MROH7: variants seen among roughly 807,000 people sequenced by gnomAD.
MROH7 encodes maestro heat like repeat family member 7.
MROH7 carries 113 observed loss-of-function variants against 129.2 expected under a neutral mutation model. The ratio of observed to expected loss-of-function variants is 0.87; its 90% CI spans 0.75 to 1.02. The LOEUF is 1.02. Ranked by LOEUF, MROH7 falls within the 50% of genes least tolerant of loss-of-function variation. The pLI is 0.00. For synonymous variants in MROH7, 655 were observed against 667.9 expected (o/e 0.98, Z 0.30); for missense variants, 1,601 against 1,671.3 (o/e 0.96, Z 0.73).
chr1:54,678,039 A>G (rs1645009117), intron 10 of MROH7, among the ~76,000 whole-genome samples: 1 of 152,218 alleles, frequency 6.6e-6, no homozygotes, highest in Non-Finnish European at 1.5e-5. Flanking sequence ...GGCATAAATG[A>G]AACAGACAGA....
Position 54,665,210 on chromosome 1 carries a change from G to A in MROH7, c.1275G>A (p.Glu425=), listed in dbSNP as rs766086136. ...CCTCATGCCTGGTGAAGGTGCCAGA[G>A]AAGACAGAAGGTGGCAACAACATGG... The part of the protein sequence containing the change: ...EVTSCLVKVP[E]KTEGGNNMAL... The change falls in exon 4 of 24, where the codon GAG becomes GAA. Residue 425 remains glutamate (E), a synonymous_variant. Transcript: ENST00000421030. 2.5e-6 allele frequency: 4 copies of A among 1,613,932 alleles called. No individual in the cohort carries two copies. The highest frequency in any genetic ancestry group is 3.4e-6 in the Non-Finnish European group (4 of 1,179,930).
chr1:54,679,108 G>A (rs1431824457), intron 11 of MROH7, among the ~76,000 whole-genome samples, 155 bp from the exon 12 acceptor site: 1 of 152,186 alleles, frequency 6.6e-6, no homozygotes, highest in Non-Finnish European at 1.5e-5. Flanking sequence ...TCCCCTAAAG[G>A]TTCAACACTT....
intron 21 of MROH7, among the ~76,000 whole-genome samples, chr1:54,706,090 C>G (rs1176694587): frequency 6.6e-6 from 1 of 152,204 alleles, no homozygotes; most frequent in Non-Finnish European, 1.5e-5. Flanking sequence ...CCCCATTGCT[C>G]TATACCTTGA....
chr1:54,654,647 T>G (rs1569864140), intron 3 of MROH7, among the ~76,000 whole-genome samples: 1 of 151,576 alleles, frequency 6.6e-6, no homozygotes, highest in African/African-American at 2.4e-5. Flanking sequence ...CACTCCAGCC[T>G]GGGCAACAAG....
chr1:54,648,387 C>T (rs538265957), intron 1 of MROH7, among the ~76,000 whole-genome samples: 101 of 122,000 alleles, frequency 8.3e-4, no homozygotes, highest in African/African-American at 1.4e-3. Flanking sequence ...TTTTTTGAGA[C>T]GGAGTTTCGC....
At chr1:54,654,307 T>G in intron 3 of MROH7, 150 bp downstream of exon 3, 1 of 831,500 alleles carries the variant, frequency 1.2e-6, no homozygotes, top group Non-Finnish European at 1.8e-6. Context: ...CATCTAATAA[T>G]CGGCCTCTGC....
intron 15 of MROH7, 123 bp from the exon 16 acceptor site, chr1:54,692,301 C>A: frequency 8.1e-7 from 1 of 1,228,862 alleles, no homozygotes. Context: ...ACACTGAATA[C>A]CCCTACCTAA....
At chr1:54,705,927 C>T (rs1303795266) in intron 21 of MROH7, among the ~76,000 whole-genome samples, 1 of 152,192 alleles carries the variant, frequency 6.6e-6, no homozygotes, top group African/African-American at 2.4e-5. Flanking sequence ...CCTGTCAAAG[C>T]CATCGTGACT....
At chr1:54,670,635 C>T in intron 6 of MROH7, 59 bp downstream of exon 6, 1 of 1,530,754 alleles carries the variant, frequency 6.5e-7, no homozygotes, top group Non-Finnish European at 8.9e-7. Flanking sequence ...CCACTTCTGC[C>T]TCCCTCCATC....
chr1:54,701,996 C>G (rs1645443853), intron 19 of MROH7, 94 bp from the exon 20 acceptor site: 1 of 1,168,472 alleles, frequency 8.6e-7, no homozygotes, highest in African/African-American at 1.6e-5. Context: ...AGTTCCAGAC[C>G]TAGGCTTGAG....
intron 3 of MROH7, among the ~76,000 whole-genome samples, chr1:54,654,796 T>C (rs2570770): frequency 0.39 from 59,073 of 152,014 alleles, 11,731 homozygotes; most frequent in South Asian, 0.56. Flanking sequence ...ATTTTAGACC[T>C]GGCTTCTCAG....
intron 15 of MROH7, among the ~76,000 whole-genome samples, chr1:54,687,453 G>T (rs1235421474): frequency 1.7e-4 from 26 of 152,200 alleles, no homozygotes; most frequent in Admixed American, 1.7e-3. Context: ...ATTTAACCAG[G>T]CTTCTCTGGA....
At position 54,695,361 on chromosome 1, in the gene MROH7, C is replaced by T. The variant is rs142592970; in HGVS notation, c.2850-15C>T. The T allele has an allele frequency of 1.3e-4, 199 of 1,553,746 alleles. No homozygotes were observed. The African/African-American group carries it at 1.9e-3, about 15-fold the overall frequency. ...CTGGATACCTGAGGGGACTACTCCC[C>T]CTTCCCACCCCCAGGGCCATGGTGC... is the stretch of plus-strand genomic sequence containing the variant. On this transcript the variant is annotated splice_polypyrimidine_tract_variant and intron_variant, in intron 16 of 23. Transcript: ENST00000421030.
chr1:54,680,027 GC>G lies in MROH7; in HGVS notation c.2368del (p.Leu790SerfsTer3). 2 of 1,613,914 alleles carry G rather than the reference GC, an allele frequency of 1.2e-6. No individual in the cohort carries two copies. The highest frequency in any genetic ancestry group is 1.7e-6 in the Non-Finnish European group (2 of 1,179,942). ...MTEVVVALLM[C>X]PLPLNSNGAE... ...GAGGTTGTGGTGGCCCTGCTCATGTGCCCCCTCCCACTGAACAGGTACCAAG... is the reference window on the plus strand; with the variant it reads ...GAGGTTGTGGTGGCCCTGCTCATGTGCCCCTCCCACTGAACAGGTACCAAG... On this transcript the variant is annotated frameshift_variant, in exon 13 of 24. Coordinates refer to ENST00000421030, the MANE Select transcript of MROH7 (RefSeq NM_001039464.4). LOFTEE classifies it high-confidence loss of function.
At chr1:54,699,734 T>G in intron 17 of MROH7, 4 of 253,838 alleles carry the variant, frequency 1.6e-5, no homozygotes, top group Non-Finnish European at 3.0e-5. Context: ...AAATCCCCTG[T>G]TGGATAGGGG....
At chr1:54,691,964 C>T (rs1448996933) in intron 15 of MROH7, among the ~76,000 whole-genome samples, 2 of 150,016 alleles carry the variant, frequency 1.3e-5, no homozygotes, top group Non-Finnish European at 3.0e-5. Flanking sequence ...TTCTTAGGCT[C>T]ATTCTGGAGC....
At chr1:54,657,043 A>G (rs970097374) in intron 3 of MROH7, among the ~76,000 whole-genome samples, 1 of 137,000 alleles carries the variant, frequency 7.3e-6, no homozygotes, top group Non-Finnish European at 1.6e-5. Flanking sequence ...AAAAATTCTC[A>G]CCATCTTTTT....
chr1:54,699,302 T>C lies in MROH7; in HGVS notation c.2965-1019T>C, dbSNP rs759825560. The C allele has an allele frequency of 4.0e-5, 6 of 150,806 alleles. No individual in the cohort carries two copies. The East Asian group carries it at 9.8e-4, about 25-fold the overall frequency. 9.3% of individuals were successfully genotyped at this position (150,806 alleles called of 1,614,324 possible). ...CTCCTTCTCTCTCTTTATTTCTTTC[T>C]TTATTTCCTTCTCTTTTCAAGGTGG... On this transcript the variant is annotated intron_variant, in intron 17 of 23. Transcript: ENST00000421030.
chr1:54,689,016 A>C (rs898090100), intron 15 of MROH7, among the ~76,000 whole-genome samples: 2 of 152,200 alleles, frequency 1.3e-5, no homozygotes, highest in African/African-American at 4.8e-5. Flanking sequence ...TGCCAGGCTG[A>C]AGGGGGGCCA....
Sources: gnomAD v4.1 joint callset for allele counts (sites outside exome capture counted in the v4.1 genomes callset) on GRCh38, gnomAD v4.1.1 for gene constraint, MANE v1.5 for transcripts, NCBI Gene and HGNC (gene_info 2026-07-23, HGNC 2026-07-21) for gene names.